ITIH2: variants seen among roughly 807,000 people sequenced by gnomAD.
The protein encoded by ITIH2 is inter-alpha-trypsin inhibitor heavy chain H2.
ITIH2 carries 103 observed loss-of-function variants against 104.4 expected under a neutral mutation model. The observed-to-expected ratio is 0.99, with a 90% CI of 0.84 to 1.16. The LOEUF is 1.16. ITIH2 is among the 50% of genes most tolerant of loss of function. ITIH2 has a pLI of 0.00. For synonymous variants in ITIH2, 436 were observed against 435.4 expected (o/e 1.00, Z -0.02); for missense variants, 1,108 against 1,162.4 (o/e 0.95, Z 0.68).
intron 6 of ITIH2, among the ~76,000 whole-genome samples, chr10:7,718,587 C>T (rs1834873161): frequency 6.6e-6 from 1 of 151,932 alleles, no homozygotes; most frequent in Non-Finnish European, 1.5e-5. Context: ...AGGTAAATTC[C>T]ATGTCACAGG....
rs545175886 is a variant in ITIH2, at chr10:7,747,111, T to C, written c.2693+407T>C. On this transcript the variant is annotated intron_variant, in intron 20 of 20. Transcript: ENST00000358415. ...CTTTTGCACAGGGATCTCTGACTGC[T>C]TTTTTTGTAGCTTTTCTTACACAAA... Among the ~76,000 whole-genome samples the C allele has an allele frequency of 9.2e-5, 14 of 152,300 alleles. No homozygotes were observed. In the South Asian group the frequency reaches 2.9e-3, roughly 32 times the overall value.
chr10:7,719,512 C>A (rs1834880598), intron 6 of ITIH2, among the ~76,000 whole-genome samples: 1 of 152,050 alleles, frequency 6.6e-6, no homozygotes, highest in East Asian at 1.9e-4. Context: ...TAGGAGGAGA[C>A]AATCACTGAG....
chr10:7,717,068 C>T (rs919083017), intron 5 of ITIH2, among the ~76,000 whole-genome samples: 2 of 152,038 alleles, frequency 1.3e-5, no homozygotes, highest in African/African-American at 4.8e-5. Context: ...TTTCTCCTGC[C>T]TCAGCCTCCT....
intron 9 of ITIH2, among the ~76,000 whole-genome samples, chr10:7,725,724 T>G (rs1433971720): frequency 6.6e-6 from 1 of 152,188 alleles, no homozygotes; most frequent in Non-Finnish European, 1.5e-5. Flanking sequence ...AGTACCCACG[T>G]TGGCCATGGA....
At chr10:7,717,818 A>G in intron 6 of ITIH2, 30 bp downstream of exon 6, 1 of 1,590,096 alleles carries the variant, frequency 6.3e-7, no homozygotes, top group African/African-American at 1.3e-5. Flanking sequence ...GTGGGCAGTG[A>G]CACTGTCCTT....
intron 8 of ITIH2, 76 bp downstream of exon 8, chr10:7,721,853 C>A: frequency 6.5e-7 from 1 of 1,529,046 alleles, no homozygotes; most frequent in Non-Finnish European, 8.9e-7. Flanking sequence ...AACTCCCAGG[C>A]CTATGGGTGG....
At chr10:7,713,935 C>A (rs1037991511) in intron 5 of ITIH2, among the ~76,000 whole-genome samples, 4 of 152,042 alleles carry the variant, frequency 2.6e-5, no homozygotes, top group Non-Finnish European at 5.9e-5. Context: ...GCGATCCTCC[C>A]ATGTCAGCCT....
chr10:7,735,229 T>G, intron 15 of ITIH2, 138 bp downstream of exon 15: 1 of 675,242 alleles, frequency 1.5e-6, no homozygotes, highest in Non-Finnish European at 2.4e-6. Flanking sequence ...GCCCAAGCTC[T>G]TCCTGCCAGC....
intron 2 of ITIH2, among the ~76,000 whole-genome samples, chr10:7,705,788 A>G (rs1041844135): frequency 6.6e-6 from 1 of 151,552 alleles, no homozygotes; most frequent in East Asian, 1.9e-4. Context: ...TGCCGGAAGG[A>G]TTTCCTGTTA....
intron 4 of ITIH2, among the ~76,000 whole-genome samples, chr10:7,710,986 T>C (rs1834792171): frequency 6.6e-6 from 1 of 151,164 alleles, no homozygotes; most frequent in African/African-American, 2.4e-5. Flanking sequence ...GTTTGTTACA[T>C]AGGTACACAT....
intron 10 of ITIH2, among the ~76,000 whole-genome samples, 153 bp downstream of exon 10, chr10:7,727,271 G>A (rs1834959475): frequency 6.6e-6 from 1 of 152,234 alleles, no homozygotes; most frequent in African/African-American, 2.4e-5. Flanking sequence ...TGAATGCTAA[G>A]TTTGTAGTGA....
intron 4 of ITIH2, 144 bp downstream of exon 4, chr10:7,709,335 A>G (rs1009289419): frequency 2.9e-6 from 2 of 689,260 alleles, no homozygotes; most frequent in Admixed American, 2.7e-5. Context: ...TGGTCCCAAT[A>G]ATTTTCTCCT....
At chr10:7,715,905 T>G (rs1325504148) in intron 5 of ITIH2, among the ~76,000 whole-genome samples, 1 of 151,604 alleles carries the variant, frequency 6.6e-6, no homozygotes, top group Non-Finnish European at 1.5e-5. Flanking sequence ...CACACCTGGC[T>G]AATTTTTGTA....
chr10:7,729,828 T>C, intron 11 of ITIH2, 124 bp from the exon 12 acceptor site: 1 of 557,254 alleles, frequency 1.8e-6, no homozygotes, highest in Non-Finnish European at 3.1e-6. Flanking sequence ...ATTGAGTTAC[T>C]GGGTCAAAAG....
At chr10:7,743,942 G>A in intron 17 of ITIH2, 140 bp from the exon 18 acceptor site, 1 of 478,836 alleles carries the variant, frequency 2.1e-6, no homozygotes, top group East Asian at 3.3e-5. Context: ...TCACAAAGAA[G>A]AAAATGTTAA....
intron 9 of ITIH2, among the ~76,000 whole-genome samples, chr10:7,724,876 C>T (rs542753306): frequency 6.6e-6 from 1 of 152,210 alleles, no homozygotes; most frequent in East Asian, 1.9e-4. Context: ...GAATAATTGC[C>T]TCTGGTTGAG....
intron 5 of ITIH2, among the ~76,000 whole-genome samples, chr10:7,717,307 A>T (rs530930184): frequency 6.6e-6 from 1 of 152,288 alleles, no homozygotes; most frequent in East Asian, 1.9e-4. Context: ...CATATTGCAG[A>T]GCAGCTATAT....
At chr10:7,739,780 T>G (rs1835106854) in intron 16 of ITIH2, among the ~76,000 whole-genome samples, 3 of 152,150 alleles carry the variant, frequency 2.0e-5, no homozygotes, top group Admixed American at 1.3e-4. Flanking sequence ...TCCCAGCTAC[T>G]CAAGAGGTTG....
intron 5 of ITIH2, among the ~76,000 whole-genome samples, chr10:7,714,544 C>A (rs549937389): frequency 2.0e-5 from 3 of 152,150 alleles, no homozygotes; most frequent in African/African-American, 7.2e-5. Flanking sequence ...CCCAAACTCA[C>A]CTGTAGTTGA....
Sources: allele counts gnomAD v4.1 joint callset (sites outside exome capture counted in the v4.1 genomes callset), GRCh38; gene constraint gnomAD v4.1.1; transcripts MANE v1.5; gene names NCBI Gene and HGNC (gene_info 2026-07-23, HGNC 2026-07-21).